Variants in RNF111 observed in about 807,000 individuals in gnomAD.
The protein encoded by RNF111 is ring finger protein 111.
A neutral mutation model predicts 95.1 loss-of-function variants in RNF111; 17 were observed. The ratio of observed to expected loss-of-function variants is 0.18; its 90% CI spans 0.12 to 0.27. RNF111 has a LOEUF of 0.27. Ranked by LOEUF, RNF111 falls within the 10% of genes least tolerant of loss-of-function variation. The probability of loss-of-function intolerance (pLI) is 1.00; values close to 1 mark genes in which losing one functional copy is unlikely to be tolerated. For synonymous variants in RNF111, 440 were observed against 414.8 expected (o/e 1.06, Z -0.74); for missense variants, 1,189 against 1,210.4 (o/e 0.98, Z 0.26).
chr15:59,075,717 A>T (rs565550153), intron 6 of RNF111, among the ~76,000 whole-genome samples: 1 of 152,322 alleles, frequency 6.6e-6, no homozygotes, highest in Admixed American at 6.5e-5. Context: ...CTTGATTTTT[A>T]AAAATTGGTT....
chr15:59,084,402 A>G (rs2078837233), intron 9 of RNF111, 148 bp downstream of exon 9: 7 of 671,696 alleles, frequency 1.0e-5, no homozygotes, highest in African/African-American at 1.8e-5. Context: ...CTGGGCAGAT[A>G]GAGGTTTGGA....
chr15:59,025,787 A>G (rs1275039823), intron 1 of RNF111, among the ~76,000 whole-genome samples: 10 of 151,394 alleles, frequency 6.6e-5, no homozygotes, highest in African/African-American at 2.4e-4. Flanking sequence ...CTGGAGTGCA[A>G]TGGCGCGATC....
rs567605739 is a variant in RNF111, at chr15:59,068,039, C to T, written c.1686+956C>T. On this transcript the variant is annotated intron_variant, in intron 6 of 13. Transcript: ENST00000348370. ...ATCACGTGGAGTAAAAGAAGTCAAG[C>T]GTTCCATGCTACTTTAACTTTTGTT... is the stretch of plus-strand genomic sequence containing the variant. 8.5e-5 allele frequency among the ~76,000 whole-genome samples: 13 copies of T among 152,228 alleles called. No individual in the cohort carries two copies. The East Asian group carries it at 1.3e-3, about 16-fold the overall frequency.
At chr15:59,015,784 A>G (rs1166937664) in intron 1 of RNF111, among the ~76,000 whole-genome samples, 1 of 152,130 alleles carries the variant, frequency 6.6e-6, no homozygotes. Context: ...TGAAGCCATT[A>G]TCAGAGTCCT....
intron 2 of RNF111, among the ~76,000 whole-genome samples, chr15:59,037,399 A>T (rs555824424): frequency 1.3e-5 from 2 of 152,304 alleles, no homozygotes; most frequent in South Asian, 4.1e-4. Flanking sequence ...TAGGTTTGAG[A>T]ATAGGTGTTA....
intron 2 of RNF111, among the ~76,000 whole-genome samples, chr15:59,037,985 C>T (rs2041265572): frequency 6.6e-6 from 1 of 152,128 alleles, no homozygotes; most frequent in Non-Finnish European, 1.5e-5. Flanking sequence ...CTTTGAAATA[C>T]AAAGTTTTAA....
Position 59,031,332 on chromosome 15 carries a change from G to T in RNF111, c.510G>T (p.Leu170Phe), listed in dbSNP as rs770614096. The T allele has an allele frequency of 5.6e-6, 9 of 1,614,112 alleles. No homozygotes were observed. The Admixed American group carries it at 1.5e-4, about 27-fold the overall frequency. ...EVSVRHSQTILNAKSRSHSAR... is the reference protein window; with the variant it reads ...EVSVRHSQTIFNAKSRSHSAR... ...CTGTAAGACATTCCCAGACCATTTT[G>T]AATGCTAAAAGTAGAAGCCATAGTG... Residue 170 changes from leucine to phenylalanine, a missense_variant, in exon 2 of 14, where the codon TTG (leucine) becomes TTT (phenylalanine). Coordinates refer to ENST00000348370, the MANE Select transcript of RNF111 (RefSeq NM_017610.8).
At chr15:59,049,161 C>T (rs567398132) in intron 2 of RNF111, among the ~76,000 whole-genome samples, 2 of 152,166 alleles carry the variant, frequency 1.3e-5, no homozygotes, top group Non-Finnish European at 2.9e-5. Context: ...AACTGGAACT[C>T]TATAGCCATT....
At chr15:58,994,473 C>CTTTTTTTTTTTTTTTTTT (rs35787227) in intron 1 of RNF111, among the ~76,000 whole-genome samples, 2 of 69,522 alleles carry the variant, frequency 2.9e-5, no homozygotes, top group Admixed American at 2.0e-4. Flanking sequence ...TTTTCTCTCT[C>CTTTTTTTTTTTTTTTTTT]TTTTTTTTTT....
intron 1 of RNF111, among the ~76,000 whole-genome samples, chr15:58,992,768 C>A (rs1234559676): frequency 6.6e-6 from 1 of 151,998 alleles, no homozygotes; most frequent in Non-Finnish European, 1.5e-5. Flanking sequence ...TGCAATGAGC[C>A]GAGATTGTGC....
intron 1 of RNF111, among the ~76,000 whole-genome samples, chr15:59,002,467 G>A (rs781351756): frequency 6.6e-6 from 1 of 151,920 alleles, no homozygotes. Flanking sequence ...CGGGAAGTAC[G>A]GTTGAGTAAC....
At chr15:59,033,663 A>G (rs2041023996) in intron 2 of RNF111, among the ~76,000 whole-genome samples, 1 of 152,222 alleles carries the variant, frequency 6.6e-6, no homozygotes, top group African/African-American at 2.4e-5. Flanking sequence ...GGGAATGAGA[A>G]TATAGTAATT....
chr15:59,065,286 T>C (rs139390682), intron 5 of RNF111, among the ~76,000 whole-genome samples: 275 of 152,292 alleles, frequency 1.8e-3, no homozygotes, highest in African/African-American at 6.5e-3. Flanking sequence ...CCATATAATA[T>C]TTAGTTTGAG....
chr15:59,046,855 A>G (rs1307573810), intron 2 of RNF111, among the ~76,000 whole-genome samples: 2 of 152,206 alleles, frequency 1.3e-5, no homozygotes, highest in East Asian at 3.9e-4. Flanking sequence ...ATATATAAGG[A>G]ACTCTTTATT....
chr15:59,081,058 G>A lies in RNF111; in HGVS notation c.2071G>A (p.Ala691Thr). ...TTATGTTATTCCTCATCCTGTACAT[G>A]CTTTCCATTCTCAAATATCTTCTCA... ...VDYVIPHPVHAFHSQISSHAT... is the reference protein window; with the variant it reads ...VDYVIPHPVHTFHSQISSHAT... Residue 691 changes from alanine (A) to threonine (T), a missense_variant, in exon 8 of 14, where the codon GCT becomes ACT. Coordinates refer to ENST00000348370, the MANE Select transcript of RNF111 (RefSeq NM_017610.8). 1 of 1,614,044 alleles carries A rather than the reference G, an allele frequency of 6.2e-7. No homozygotes were observed. The highest frequency in any genetic ancestry group is 8.5e-7 in the Non-Finnish European group (1 of 1,180,018).
chr15:59,042,540 TC>T (rs1372947221), intron 2 of RNF111, among the ~76,000 whole-genome samples: 1 of 152,090 alleles, frequency 6.6e-6, no homozygotes, highest in Non-Finnish European at 1.5e-5. Flanking sequence ...TTAGCCCATT[TC>T]CCCCCAGTCC....
At chr15:59,012,959 G>A (rs2039897725) in intron 1 of RNF111, among the ~76,000 whole-genome samples, 1 of 152,034 alleles carries the variant, frequency 6.6e-6, no homozygotes, top group Non-Finnish European at 1.5e-5. Context: ...GGCTGGTCTT[G>A]AACTCCTGAC....
intron 5 of RNF111, among the ~76,000 whole-genome samples, chr15:59,065,428 C>A (rs2042613641): frequency 1.3e-5 from 2 of 152,098 alleles, no homozygotes; most frequent in South Asian, 4.1e-4. Context: ...ATAATCAGGA[C>A]TCATGTGTTT....
chr15:59,012,757 G>C (rs1261991941), intron 1 of RNF111, among the ~76,000 whole-genome samples: 1 of 81,682 alleles, frequency 1.2e-5, no homozygotes, highest in Non-Finnish European at 2.6e-5. Flanking sequence ...TTTTTTTTTT[G>C]AGACAGAGTC....
Sources: gnomAD v4.1 joint callset for allele counts (sites outside exome capture counted in the v4.1 genomes callset) on GRCh38, gnomAD v4.1.1 for gene constraint, MANE v1.5 for transcripts, NCBI Gene and HGNC (gene_info 2026-07-23, HGNC 2026-07-21) for gene names.